KRT20: variants seen among roughly 807,000 people sequenced by gnomAD.
KRT20 encodes keratin 20.
In KRT20, 41 loss-of-function variants were observed where a neutral mutation model predicts 43.0. That is an observed-to-expected ratio of 0.95 (90% CI 0.74 to 1.24). The LOEUF is 1.24. Among genes scored for constraint, KRT20 ranks in the 50% most tolerant of loss-of-function variants. The pLI is 0.00. For missense variants in KRT20, 533 were observed against 521.2 expected (o/e 1.02, Z -0.22); for synonymous variants, 207 against 200.6 (o/e 1.03, Z -0.27).
chr17:40,879,193 A>C (rs906102638), intron 5 of KRT20, among the ~76,000 whole-genome samples: 47 of 152,226 alleles, frequency 3.1e-4, no homozygotes, highest in Admixed American at 2.9e-3. Flanking sequence ...CTTGGAAAGG[A>C]AATGTCACGG....
intron 1 of KRT20, among the ~76,000 whole-genome samples, chr17:40,884,160 A>T (rs1357544157): frequency 1.3e-5 from 2 of 152,178 alleles, no homozygotes; most frequent in Non-Finnish European, 2.9e-5. Context: ...AGGTTGTGAT[A>T]TGATTGTAAT....
chr17:40,880,766 C>T lies in KRT20; in HGVS notation c.478G>A (p.Glu160Lys). ...GTTAGACGTATTCCTCTCTCAGTCT[C>T]ATACCTGTGAATTAATTAGTGTACA... ...LAAEDFRLKY[E>K]TERGIRLTVE... Residue 160 changes from glutamate (E) to lysine (K), a missense_variant, in exon 3 of 8, where the codon GAG (glutamate) becomes AAG (lysine). Transcript: ENST00000167588. The T allele has an allele frequency of 6.5e-7, 1 of 1,531,486 alleles. No homozygotes were observed. The highest frequency in any genetic ancestry group is 1.3e-5 in the South Asian group (1 of 76,906). 94.9% of individuals were successfully genotyped at this position (1,531,486 alleles called of 1,614,324 possible).
Position 40,882,595 on chromosome 17 carries a change from C to T in KRT20, c.450G>A (p.Leu150=). 1 of 1,570,544 alleles carries T rather than the reference C, an allele frequency of 6.4e-7. No homozygotes were observed. Among genetic ancestry groups the T allele is most frequent in the East Asian group, 2.3e-5 (1 of 42,792 alleles). ...RCVLQIDNAK[L]AAEDFRLKYE... is the part of the protein sequence containing the mutation. ...ACTTCAGTCTGAAGTCCTCAGCAGCCAGTTTAGCATTATCAATTTGCAGGA... is the reference window on the plus strand; with the variant it reads ...ACTTCAGTCTGAAGTCCTCAGCAGCTAGTTTAGCATTATCAATTTGCAGGA... The change falls in exon 2 of 8, where the codon CTG becomes CTA. Residue 150 remains leucine (L), a synonymous_variant. Transcript: ENST00000167588.
At chr17:40,879,995 A>G in intron 4 of KRT20, 57 bp from the exon 5 acceptor site, 1 of 1,601,720 alleles carries the variant, frequency 6.2e-7, no homozygotes, top group South Asian at 1.1e-5. Flanking sequence ...GAAAGAAAAG[A>G]CAGAAAGAGA....
At chr17:40,881,258 T>C (rs1452737236) in intron 2 of KRT20, among the ~76,000 whole-genome samples, 1 of 151,790 alleles carries the variant, frequency 6.6e-6, no homozygotes, top group East Asian at 1.9e-4. Flanking sequence ...TGTGTGTGTG[T>C]GTGTATTTGA....
At chr17:40,882,526 A>G in intron 2 of KRT20, 46 bp downstream of exon 2, 1 of 1,047,976 alleles carries the variant, frequency 9.5e-7, no homozygotes, top group South Asian at 1.5e-5. Context: ...AGGACTACTA[A>G]AGGAATTCTT....
chr17:40,880,256 G>A lies in KRT20; in HGVS notation c.636C>T (p.Val212=), dbSNP rs752341432. The A allele has an allele frequency of 1.6e-5, 26 of 1,593,640 alleles. No individual in the cohort carries two copies. In the East Asian group the frequency reaches 5.4e-4, roughly 33 times the overall value. ...TGCCCAGATGCTTGTGTAGGCCATC[G>A]ACTTCCTATGAAAGTGAAATTTCTG... is the stretch of plus-strand genomic sequence containing the variant. ...ALLKKEHQEE[V]DGLHKHLGNT... The change falls in exon 4 of 8, where the codon GTC becomes GTT. Residue 212 remains valine (V), a synonymous_variant. Coordinates refer to ENST00000167588, the MANE Select transcript of KRT20 (RefSeq NM_019010.3).
chr17:40,883,725 T>G (rs1179316254), intron 1 of KRT20, among the ~76,000 whole-genome samples: 3 of 152,260 alleles, frequency 2.0e-5, no homozygotes, highest in Non-Finnish European at 4.4e-5. Flanking sequence ...CCTGTGCCTG[T>G]GTATTTCAGA....
chr17:40,880,002 G>A, intron 4 of KRT20, 64 bp from the exon 5 acceptor site: 1 of 1,599,526 alleles, frequency 6.3e-7, no homozygotes. Flanking sequence ...AAGACAGAAA[G>A]AGAAAGGAAG....
chr17:40,884,115 A>T (rs1471503711), intron 1 of KRT20, among the ~76,000 whole-genome samples: 1 of 152,206 alleles, frequency 6.6e-6, no homozygotes, highest in Non-Finnish European at 1.5e-5. Flanking sequence ...CTGATAAAAT[A>T]CAGAGCTCCA....
At position 40,880,618 on chromosome 17, in the gene KRT20, T is replaced by C; in HGVS notation, c.626A>G (p.Gln209Arg). The change falls in exon 3 of 8, where the codon CAG becomes CGG. Residue 209 changes from glutamine to arginine, a missense_variant. Gln to Arg is a conservative substitution (Grantham distance 43). Coordinates refer to ENST00000167588, the MANE Select transcript of KRT20 (RefSeq NM_019010.3). ...CACTTCTGAATATTTTCTCACCTCCTGATGCTCCTTTTTGAGGAGAGCTAG... is the reference window on the plus strand; with the variant it reads ...CACTTCTGAATATTTTCTCACCTCCCGATGCTCCTTTTTGAGGAGAGCTAG... Reference protein sequence around the residue: ...KDLALLKKEHQEEVDGLHKHL... With the variant: ...KDLALLKKEHREEVDGLHKHL... 6.2e-7 allele frequency: 1 copy of C among 1,612,954 alleles called. No individual in the cohort carries two copies. Among genetic ancestry groups the C allele is most frequent in the Non-Finnish European group, 8.5e-7 (1 of 1,179,472 alleles).
Position 40,879,962 on chromosome 17 carries a change from A to G in KRT20, c.793-24T>C, listed in dbSNP as rs150227275. On this transcript the variant is annotated intron_variant, in intron 4 of 7. Coordinates refer to ENST00000167588, the MANE Select transcript of KRT20 (RefSeq NM_019010.3). ...GTCTACAGTGCCAAGAGTGAAAAAA[A>G]AATAGTTGAGGGGTGGAAATAAGAA... The G allele has an allele frequency of 8.1e-6, 13 of 1,607,482 alleles. 1 individual carries two copies. The highest frequency in any genetic ancestry group is 2.2e-5 in the South Asian group (2 of 89,992).
At chr17:40,882,936 C>G (rs1053995775) in intron 1 of KRT20, among the ~76,000 whole-genome samples, 1 of 152,062 alleles carries the variant, frequency 6.6e-6, no homozygotes, top group Non-Finnish European at 1.5e-5. Flanking sequence ...TCTTGAAGTT[C>G]TGACCTCAGG....
intron 5 of KRT20, among the ~76,000 whole-genome samples, 166 bp from the exon 6 acceptor site, chr17:40,878,531 C>A (rs1907450263): frequency 6.6e-6 from 1 of 152,186 alleles, no homozygotes; most frequent in South Asian, 2.1e-4. Flanking sequence ...CCTCAGCCAG[C>A]CAGCTAGGAT....
chr17:40,876,288 T>C lies in KRT20; in HGVS notation c.*73A>G, dbSNP rs540591076. 817 of 960,276 alleles carry C rather than the reference T, an allele frequency of 8.5e-4. 2 individuals are homozygous for C. Among genetic ancestry groups the C allele is most frequent in the Non-Finnish European group, 1.2e-3 (714 of 588,276 alleles). 59.5% of individuals were successfully genotyped at this position (960,276 alleles called of 1,614,324 possible). A position where few individuals can be genotyped will look rare whatever the true frequency, so the allele number is the denominator to read the frequency against. Reference sequence around the variant, plus strand: ...ATAGTGCTTTCTTATGGCTGATTTCTTGCAGGGAGCAAAGATAAGATTATA... The same window carrying C: ...ATAGTGCTTTCTTATGGCTGATTTCCTGCAGGGAGCAAAGATAAGATTATA... On this transcript the variant is annotated 3_prime_UTR_variant, in exon 8 of 8. Transcript: ENST00000167588.
intron 1 of KRT20, among the ~76,000 whole-genome samples, chr17:40,883,148 TTAACA>T (rs1330916223): frequency 6.6e-6 from 1 of 152,238 alleles, no homozygotes; most frequent in African/African-American, 2.4e-5. Context: ...ACATAGTTAT[TTAACA>T]TAACAGAGTC....
At chr17:40,884,289 C>T (rs1907714553) in intron 1 of KRT20, among the ~76,000 whole-genome samples, 1 of 152,164 alleles carries the variant, frequency 6.6e-6, no homozygotes, top group Non-Finnish European at 1.5e-5. Context: ...CATTAAGACC[C>T]ATATTCCTGC....
Position 40,882,618 on chromosome 17 carries a change from G to A in KRT20, c.427C>T (p.Leu143=), listed in dbSNP as rs992548381. The change falls in exon 2 of 8, where the codon CTG becomes TTG. Residue 143 remains leucine, a synonymous_variant. Coordinates refer to ENST00000167588, the MANE Select transcript of KRT20 (RefSeq NM_019010.3). ...DAQLQNARCV[L]QIDNAKLAAE... Reference sequence around the variant, plus strand: ...GCCAGTTTAGCATTATCAATTTGCAGGACACACCGAGCATTTTGCAGTTGA... The same window carrying A: ...GCCAGTTTAGCATTATCAATTTGCAAGACACACCGAGCATTTTGCAGTTGA... The A allele has an allele frequency of 6.4e-7, 1 of 1,562,744 alleles. No homozygotes were observed. Among genetic ancestry groups the A allele is most frequent in the Non-Finnish European group, 8.7e-7 (1 of 1,151,938 alleles).
chr17:40,880,816 A>C, intron 2 of KRT20, 46 bp from the exon 3 acceptor site: 4 of 1,405,024 alleles, frequency 2.8e-6, no homozygotes. Flanking sequence ...TTCTGAAGCC[A>C]TTATAAGGAG....
Sources: allele counts gnomAD v4.1 joint callset (sites outside exome capture counted in the v4.1 genomes callset), GRCh38; gene constraint gnomAD v4.1.1; transcripts MANE v1.5; gene names NCBI Gene and HGNC (gene_info 2026-07-23, HGNC 2026-07-21).